The following SCHIP1 variants were observed in gnomAD, a reference collection of about 807,000 sequenced individuals.
SCHIP1 encodes schwannomin-interacting protein 1.
A neutral mutation model predicts 29.7 loss-of-function variants in SCHIP1; 8 were observed. That is an observed-to-expected ratio of 0.27 (90% CI 0.16 to 0.49). The LOEUF (loss-of-function observed/expected upper bound fraction) is 0.49. Ranked by LOEUF, SCHIP1 falls within the 20% of genes least tolerant of loss-of-function variation. The pLI is 0.99. For missense variants in SCHIP1, 193 were observed against 294.6 expected (o/e 0.66, Z 2.52); for synonymous variants, 76 against 94.9 (o/e 0.80, Z 1.16).
the SCHIP1 span, among the ~76,000 whole-genome samples, chr3:159,525,917 G>T: frequency 2.0e-5 from 3 of 152,090 alleles, no homozygotes; most frequent in Non-Finnish European, 2.9e-5. Context: ...TAATAAAATT[G>T]CAAACTTTTT....
the SCHIP1 span, among the ~76,000 whole-genome samples, chr3:159,814,504 A>G: frequency 1.3e-5 from 2 of 152,364 alleles, no homozygotes; most frequent in East Asian, 3.9e-4. Context: ...TAAACAGAGT[A>G]GTGTTTTGTA....
chr3:159,324,511 G>A, the SCHIP1 span, among the ~76,000 whole-genome samples: 1 of 151,746 alleles, frequency 6.6e-6, no homozygotes, highest in Non-Finnish European at 1.5e-5. Flanking sequence ...TTTCTTCTTT[G>A]TGAAATATTT....
the SCHIP1 span, among the ~76,000 whole-genome samples, chr3:159,500,430 C>A: frequency 1.3e-5 from 2 of 152,022 alleles, no homozygotes; most frequent in African/African-American, 4.8e-5. Context: ...AAAAAGAGAC[C>A]AGGCTGGGCA....
At chr3:159,777,852 C>G in the SCHIP1 span, among the ~76,000 whole-genome samples, 1 of 152,118 alleles carries the variant, frequency 6.6e-6, no homozygotes, top group Non-Finnish European at 1.5e-5. Flanking sequence ...CAGTGGAGGA[C>G]CTGTTGAAAA....
At chr3:159,811,679 T>A in the SCHIP1 span, among the ~76,000 whole-genome samples, 3 of 152,232 alleles carry the variant, frequency 2.0e-5, no homozygotes. Flanking sequence ...ACAGTCTTAA[T>A]TAATGTAGCT....
upstream of SCHIP1, among the ~76,000 whole-genome samples, chr3:159,835,068 C>T (rs1743541412): frequency 6.6e-6 from 1 of 152,128 alleles, no homozygotes; most frequent in South Asian, 2.1e-4. Flanking sequence ...TAAAGAAGTA[C>T]AACTTAAGCT....
chr3:159,336,417 C>A, the SCHIP1 span, among the ~76,000 whole-genome samples: 1 of 152,124 alleles, frequency 6.6e-6, no homozygotes, highest in African/African-American at 2.4e-5. Context: ...GAAGTCCTAG[C>A]CCATGCCTAT....
the SCHIP1 span, among the ~76,000 whole-genome samples, chr3:159,832,392 G>T: frequency 6.6e-6 from 1 of 151,686 alleles, no homozygotes; most frequent in East Asian, 1.9e-4. Context: ...CCCTTTGCTG[G>T]CTCCTTTCCT....
Position 159,861,487 on chromosome 3 carries a change from G to A in SCHIP1, c.31-4676G>A, listed in dbSNP as rs530912410. Reference sequence around the variant, plus strand: ...GTTCAGAGTCTGCAAGTGCTCAGTGGTCTGTTCTAAGATCATGGTGGCTTG... The same window carrying A: ...GTTCAGAGTCTGCAAGTGCTCAGTGATCTGTTCTAAGATCATGGTGGCTTG... On this transcript the variant is annotated intron_variant, in intron 1 of 6. Coordinates refer to ENST00000445224, the Ensembl canonical transcript of SCHIP1. This position sits in a 1 kb window ranked among gnomAD's most constrained non-coding sequence, Gnocchi z 4.1. 3.9e-5 allele frequency among the ~76,000 whole-genome samples: 6 copies of A among 152,284 alleles called. No individual in the cohort carries two copies. Among genetic ancestry groups the A allele is most frequent in the African/African-American group, 1.4e-4 (6 of 41,566 alleles).
chr3:159,777,844 G>C, the SCHIP1 span, among the ~76,000 whole-genome samples: 1 of 152,194 alleles, frequency 6.6e-6, no homozygotes, highest in Non-Finnish European at 1.5e-5. Flanking sequence ...ACATAATACA[G>C]TGGAGGACCT....
At chr3:159,319,478 A>C in the SCHIP1 span, among the ~76,000 whole-genome samples, 3 of 152,204 alleles carry the variant, frequency 2.0e-5, no homozygotes, top group Non-Finnish European at 4.4e-5. Context: ...GGTAACTTAA[A>C]TATCTGTTAC....
chr3:159,296,282 A>G, the SCHIP1 span, among the ~76,000 whole-genome samples: 2 of 152,156 alleles, frequency 1.3e-5, no homozygotes, highest in African/African-American at 4.8e-5. Context: ...GTACCCCAGA[A>G]CCTATAGAGG....
the SCHIP1 span, among the ~76,000 whole-genome samples, chr3:159,483,386 ATAC>A: frequency 1.3e-5 from 2 of 152,198 alleles, no homozygotes; most frequent in South Asian, 4.1e-4. Context: ...AATAGTATAG[ATAC>A]TAAACATTGG....
the SCHIP1 span, among the ~76,000 whole-genome samples, chr3:159,347,879 T>C: frequency 3.3e-5 from 5 of 152,248 alleles, no homozygotes; most frequent in South Asian, 1.0e-3. Context: ...AAAAAAGATG[T>C]CATTTTATTC....
the SCHIP1 span, among the ~76,000 whole-genome samples, chr3:159,793,457 G>A: frequency 2.0e-3 from 306 of 152,170 alleles, 1 homozygote; most frequent in African/African-American, 7.0e-3. Flanking sequence ...CAAACTTGGC[G>A]GGTTAAAACA....
At chr3:159,470,566 A>T in the SCHIP1 span, among the ~76,000 whole-genome samples, 3 of 152,156 alleles carry the variant, frequency 2.0e-5, no homozygotes, top group Non-Finnish European at 4.4e-5. Context: ...AGAAAACTGT[A>T]CAGGCACACA....
the SCHIP1 span, among the ~76,000 whole-genome samples, chr3:159,626,171 TCTATCTATCTAGATAGATAG>T: frequency 3.8e-5 from 2 of 52,176 alleles, no homozygotes; most frequent in Admixed American, 2.0e-4. Context: ...TCTAGATATA[TCTATCTATCTAGATAGATAG>T]ATAGATAGAT....
chr3:159,734,961 T>C, the SCHIP1 span, among the ~76,000 whole-genome samples: 1 of 152,264 alleles, frequency 6.6e-6, no homozygotes, highest in Middle Eastern at 3.4e-3. Flanking sequence ...GGGAAACCCA[T>C]TCCTAATCAT....
chr3:159,840,076 C>G, exon 1 of SCHIP1: 1 of 1,519,994 alleles, frequency 6.6e-7, no homozygotes, highest in Non-Finnish European at 8.8e-7. Flanking sequence ...CGGGGAGCCC[C>G]TGCCTTACCA....
Sources: allele counts gnomAD v4.1 joint callset (sites outside exome capture counted in the v4.1 genomes callset), GRCh38; gene constraint gnomAD v4.1.1; non-coding constraint Gnocchi (gnomAD v3.1); transcripts MANE v1.5; gene names NCBI Gene and HGNC (gene_info 2026-07-23, HGNC 2026-07-21).